Variants in RSPH14 observed in about 807,000 individuals in gnomAD.
The protein encoded by RSPH14 is radial spoke head 14 homolog.
RSPH14 carries 20 observed loss-of-function variants against 26.7 expected under a neutral mutation model. The ratio of observed to expected loss-of-function variants is 0.75; its 90% CI spans 0.53 to 1.09. The LOEUF is 1.09. Among genes scored for constraint, RSPH14 ranks in the 50% least tolerant of loss-of-function variants. The probability of loss-of-function intolerance (pLI) is 0.00; values close to 1 mark genes in which losing one functional copy is unlikely to be tolerated. For missense variants in RSPH14, 449 were observed against 457.2 expected (o/e 0.98, Z 0.16); for synonymous variants, 177 against 189.3 (o/e 0.93, Z 0.53).
At chr22:23,101,252 G>A (rs968232267) in intron 4 of RSPH14, among the ~76,000 whole-genome samples, 1 of 152,190 alleles carries the variant, frequency 6.6e-6, no homozygotes, top group Admixed American at 6.5e-5. Flanking sequence ...CCGCAGGGCT[G>A]AGACTCTGGC....
chr22:23,102,610 C>G (rs895288734), intron 4 of RSPH14, among the ~76,000 whole-genome samples: 1 of 152,250 alleles, frequency 6.6e-6, no homozygotes, highest in Non-Finnish European at 1.5e-5. Context: ...GCTGCCCCCA[C>G]ACCTGCTCTG....
the RSPH14 span, chr22:23,158,181 C>T: frequency 2.0e-6 from 3 of 1,502,058 alleles, no homozygotes; most frequent in South Asian, 4.0e-5. Flanking sequence ...ACCAGCTGCC[C>T]ACGGACTACT....
chr22:23,149,274 C>T, upstream of RSPH14, among the ~76,000 whole-genome samples: 1 of 152,224 alleles, frequency 6.6e-6, no homozygotes, highest in Admixed American at 6.5e-5. Context: ...TCCCCACATC[C>T]TTGCCACATT....
intron 3 of RSPH14, among the ~76,000 whole-genome samples, chr22:23,137,407 G>A (rs2070500998): frequency 6.6e-6 from 1 of 150,520 alleles, no homozygotes; most frequent in Admixed American, 6.7e-5. Flanking sequence ...GTGACAAGAT[G>A]CCAAGCCCAG....
At position 23,061,792 on chromosome 22, in the gene RSPH14, A is replaced by AC. The variant is rs776416957; in HGVS notation, c.790+16dup. 4 of 1,611,900 alleles carry AC rather than the reference A, an allele frequency of 2.5e-6. No individual in the cohort carries two copies. The highest frequency in any genetic ancestry group is 3.4e-6 in the Non-Finnish European group (4 of 1,179,536). On this transcript the variant is annotated intron_variant, in intron 6 of 6. Transcript: ENST00000216036. ...CTGCTAGGGTCTCCCTCCCTGCGGCACCCCCCACCGCCTCACCTTCAGTGA... is the reference window on the plus strand; with the variant it reads ...CTGCTAGGGTCTCCCTCCCTGCGGCACCCCCCCACCGCCTCACCTTCAGTGA...
chr22:23,071,151 TCGACCTGC>T lies in RSPH14; in HGVS notation c.422-7026_422-7019del, dbSNP rs1251054111. ...AGGCATTTAGAGGAAGAGATGAGTA[TCGACCTGC>T]TGCGATTGTAATACGTTCCCGGCTC... On this transcript the variant is annotated intron_variant, in intron 4 of 6. Transcript: ENST00000216036. The surrounding 1 kb of genome is among the most constrained non-coding windows in gnomAD (Gnocchi z 4.1). Among the ~76,000 whole-genome samples the T allele has an allele frequency of 6.6e-6, 1 of 152,012 alleles. No individual in the cohort carries two copies. The highest frequency in any genetic ancestry group is 1.5e-5 in the Non-Finnish European group (1 of 67,986).
intron 4 of RSPH14, among the ~76,000 whole-genome samples, chr22:23,122,195 A>G (rs1182280733): frequency 6.6e-6 from 1 of 152,240 alleles, no homozygotes; most frequent in East Asian, 1.9e-4. Context: ...TTTGCAGGGA[A>G]GTGGTGAACT....
chr22:23,130,157 AAG>A (rs1401376189), intron 4 of RSPH14, among the ~76,000 whole-genome samples: 17 of 139,042 alleles, frequency 1.2e-4, no homozygotes, highest in African/African-American at 4.5e-4. Flanking sequence ...GAAAGAAAGA[AAG>A]AAAAAGAAAA....
chr22:23,087,465 A>G (rs913422674), intron 4 of RSPH14, among the ~76,000 whole-genome samples: 28 of 152,216 alleles, frequency 1.8e-4, no homozygotes, highest in African/African-American at 5.8e-4. Flanking sequence ...AAATGCCTCA[A>G]TTGAGCTTAT....
chr22:23,153,722 A>C, the RSPH14 span: 4 of 759,772 alleles, frequency 5.3e-6, no homozygotes, highest in Non-Finnish European at 6.2e-6. Context: ...TTTGAGACAG[A>C]GTCTTGCTCT....
At chr22:23,146,405 T>G (rs2070775565), upstream of RSPH14, among the ~76,000 whole-genome samples, 1 of 151,410 alleles carries the variant, frequency 6.6e-6, no homozygotes, top group South Asian at 2.1e-4. Flanking sequence ...GAGACTGAGG[T>G]TTCACTTTGT....
At chr22:23,131,758 TC>T in intron 4 of RSPH14, 1 of 604,332 alleles carries the variant, frequency 1.7e-6, no homozygotes. Context: ...CCAGGGGCTC[TC>T]AACCCTGGGG....
At chr22:23,139,218 C>T (rs761560520) in intron 2 of RSPH14, among the ~76,000 whole-genome samples, 1 of 152,250 alleles carries the variant, frequency 6.6e-6, no homozygotes, top group African/African-American at 2.4e-5. Context: ...ATGGCCTTTG[C>T]CATTTCTTTG....
At chr22:23,066,688 A>G (rs1234030500) in intron 4 of RSPH14, among the ~76,000 whole-genome samples, 1 of 152,134 alleles carries the variant, frequency 6.6e-6, no homozygotes, top group African/African-American at 2.4e-5. Flanking sequence ...GGGGTGGGGC[A>G]CACAGACCCC....
At chr22:23,144,491 C>T (rs6003523), upstream of RSPH14, among the ~76,000 whole-genome samples, 773 of 152,154 alleles carry the variant, frequency 5.1e-3, 7 homozygotes, top group African/African-American at 0.017. Flanking sequence ...AACTGAGGTG[C>T]GGAAGGTGGA....
chr22:23,070,554 T>A (rs2068333002), intron 4 of RSPH14: 1 of 150,902 alleles, frequency 6.6e-6, no homozygotes, highest in Admixed American at 6.6e-5. Context: ...GCAGATGCTC[T>A]GTGCTGCGGC....
At chr22:23,166,538 T>G in the RSPH14 span, among the ~76,000 whole-genome samples, 23 of 152,146 alleles carry the variant, frequency 1.5e-4, no homozygotes, top group South Asian at 6.2e-4. Context: ...GAAAGCCTGC[T>G]TTAGCCTCTC....
the RSPH14 span, chr22:23,153,286 C>G: frequency 1.5e-6 from 1 of 665,044 alleles, no homozygotes; most frequent in East Asian, 2.7e-5. Flanking sequence ...CTTCCTGGCT[C>G]CCAGAGCCCC....
At chr22:23,082,058 G>C (rs2068695449) in intron 4 of RSPH14, among the ~76,000 whole-genome samples, 1 of 149,670 alleles carries the variant, frequency 6.7e-6, no homozygotes, top group Non-Finnish European at 1.5e-5. Context: ...CCAGGACGCG[G>C]AGCTTGCAGT....
Sources: gnomAD v4.1 joint callset for allele counts (sites outside exome capture counted in the v4.1 genomes callset) on GRCh38, gnomAD v4.1.1 for gene constraint, Gnocchi (gnomAD v3.1) non-coding constraint, MANE v1.5 for transcripts, NCBI Gene and HGNC (gene_info 2026-07-23, HGNC 2026-07-21) for gene names.